The following COL15A1 variants were observed in gnomAD, a reference collection of about 807,000 sequenced individuals.
COL15A1 encodes the protein collagen alpha-1(XV) chain.
A neutral mutation model predicts 165.9 loss-of-function variants in COL15A1; 111 were observed. The ratio of observed to expected loss-of-function variants is 0.67; its 90% CI spans 0.57 to 0.78. COL15A1 has a LOEUF of 0.78. Among genes scored for constraint, COL15A1 ranks in the 30% least tolerant of loss-of-function variants. COL15A1 has a pLI of 0.00. For synonymous variants in COL15A1, 659 were observed against 674.8 expected, an observed-to-expected ratio of 0.98 and a Z score of 0.36; for missense variants, 1,745 against 1,789.7, an observed-to-expected ratio of 0.98 and a Z score of 0.45.
At chr9:98,982,826 G>A (rs1469537968) in intron 2 of COL15A1, among the ~76,000 whole-genome samples, 2 of 151,898 alleles carry the variant, frequency 1.3e-5, no homozygotes, top group African/African-American at 4.8e-5. Context: ...TGGAGATGAG[G>A]TCTCACTATG....
chr9:98,991,300 G>A (rs560929138), intron 5 of COL15A1, among the ~76,000 whole-genome samples: 11 of 152,258 alleles, frequency 7.2e-5, no homozygotes, highest in Middle Eastern at 3.4e-3. Context: ...TTTACAGAGA[G>A]CTAATTGGTC....
At chr9:98,976,360 TCTAA>T (rs1838142357) in intron 2 of COL15A1, among the ~76,000 whole-genome samples, 2 of 152,140 alleles carry the variant, frequency 1.3e-5, no homozygotes, top group African/African-American at 2.4e-5. Context: ...GTCTATCTGG[TCTAA>T]CTCTCTGATG....
chr9:99,068,556 G>A lies in COL15A1; in HGVS notation c.3839G>A (p.Gly1280Asp), dbSNP rs770238451. The A allele has an allele frequency of 4.0e-6, 6 of 1,488,430 alleles. No individual in the cohort carries two copies. Among genetic ancestry groups the A allele is most frequent in the Non-Finnish European group, 5.4e-6 (6 of 1,111,448 alleles). The allele number at this position is 1,488,430 out of a possible 1,614,324, so 92.2% of individuals were successfully genotyped here. A position where few individuals can be genotyped will look rare whatever the true frequency, so the allele number is the denominator to read the frequency against. Residue 1280 changes from glycine (G) to aspartate (D), a missense_variant and splice_region_variant, in exon 41 of 42, where the codon GGC (glycine) becomes GAC (aspartate). Gly to Asp is a moderately conservative substitution (Grantham distance 94). Coordinates refer to ENST00000375001, the MANE Select transcript of COL15A1 (RefSeq NM_001855.5). ...TAATGTGGTATTTTGTCTCTATAGGGCCAAGTACTTTTTAATAATTGGGAC... is the reference window on the plus strand; with the variant it reads ...TAATGTGGTATTTTGTCTCTATAGGACCAAGTACTTTTTAATAATTGGGAC... ...RYSLPIVNLK[G>D]QVLFNNWDSI...
rs141326649 is a variant in COL15A1 at position 99,043,809 on chromosome 9, C to T, written c.2575-759C>T. Reference sequence around the variant, plus strand: ...CTCAGAGTCAGATAGAAGGTTTCTGCACCCAGTCTTGTTCTCTTGACAATC... The same window carrying T: ...CTCAGAGTCAGATAGAAGGTTTCTGTACCCAGTCTTGTTCTCTTGACAATC... On this transcript the variant is annotated intron_variant, in intron 24 of 41. Transcript: ENST00000375001. Among the ~76,000 whole-genome samples, 11 of 152,322 alleles carry T rather than the reference C, an allele frequency of 7.2e-5. No individual in the cohort carries two copies. The East Asian group carries it at 1.9e-3, about 27-fold the overall frequency.
chr9:98,982,641 C>T (rs950177171), intron 2 of COL15A1, among the ~76,000 whole-genome samples: 43 of 151,648 alleles, frequency 2.8e-4, no homozygotes, highest in African/African-American at 8.7e-4. Context: ...ATGATGGCTG[C>T]CTTTTTTCTT....
intron 2 of COL15A1, among the ~76,000 whole-genome samples, chr9:98,984,499 C>G (rs756354244): frequency 2.0e-5 from 3 of 152,218 alleles, no homozygotes; most frequent in Non-Finnish European, 4.4e-5. Context: ...GTTAATTTCT[C>G]TAAGCCTCAG....
intron 9 of COL15A1, among the ~76,000 whole-genome samples, chr9:99,009,046 CT>C (rs1332685983): frequency 6.6e-6 from 1 of 152,242 alleles, no homozygotes; most frequent in Non-Finnish European, 1.5e-5. Flanking sequence ...CCACAGTTAA[CT>C]CCTGTTCTGC....
At chr9:98,987,214 GC>G in intron 3 of COL15A1, 79 bp from the exon 4 acceptor site, 1 of 1,398,136 alleles carries the variant, frequency 7.2e-7, no homozygotes, top group Admixed American at 1.8e-5. Context: ...CGTCTCCATT[GC>G]CAAAACAATC....
chr9:99,055,208 G>T, intron 33 of COL15A1, 54 bp from the exon 34 acceptor site: 2 of 1,585,530 alleles, frequency 1.3e-6, no homozygotes, highest in Non-Finnish European at 1.7e-6. Context: ...GTTTATGTCA[G>T]AGACTGAGTT....
At chr9:98,985,542 G>T in intron 2 of COL15A1, 23 bp from the exon 3 acceptor site, 1 of 1,595,848 alleles carries the variant, frequency 6.3e-7, no homozygotes, top group Non-Finnish European at 8.6e-7. Context: ...TGTAAAGCGT[G>T]GCCTCTCTCT....
rs79632618 is a variant in COL15A1, at chr9:99,019,836, G to T, written c.1648-553G>T. Among the ~76,000 whole-genome samples, 283 of 152,258 alleles carry T rather than the reference G, an allele frequency of 1.9e-3. 7 individuals carry two copies. In the East Asian group the frequency reaches 0.05, roughly 27 times the overall value. ...ATTAGCTGTCTAGAATTATTTTGCA[G>T]ATGAGGCCCAGAAAGGATTAGAGCT... is the stretch of plus-strand genomic sequence containing the variant. On this transcript the variant is annotated intron_variant, in intron 11 of 41. Coordinates refer to ENST00000375001, the MANE Select transcript of COL15A1 (RefSeq NM_001855.5).
chr9:99,057,169 G>C (rs1168183628), intron 35 of COL15A1, among the ~76,000 whole-genome samples: 1 of 152,156 alleles, frequency 6.6e-6, no homozygotes, highest in Non-Finnish European at 1.5e-5. Flanking sequence ...ATCAGCAGTG[G>C]CAGTGTATGA....
chr9:98,946,349 G>A (rs1233219379), intron 2 of COL15A1, among the ~76,000 whole-genome samples: 1 of 152,168 alleles, frequency 6.6e-6, no homozygotes, highest in South Asian at 2.1e-4. Context: ...AACCATCCTA[G>A]TGTGTAGTTA....
chr9:99,038,067 A>G (rs892653032), intron 21 of COL15A1, among the ~76,000 whole-genome samples: 4 of 152,168 alleles, frequency 2.6e-5, no homozygotes, highest in African/African-American at 9.7e-5. Context: ...GACCACAGAA[A>G]GACAAGCCCC....
chr9:99,025,615 G>A (rs564388585), intron 15 of COL15A1, among the ~76,000 whole-genome samples: 92 of 152,322 alleles, frequency 6.0e-4, no homozygotes, highest in African/African-American at 2.2e-3. Context: ...GGCCATCAGG[G>A]CTGGGCCTGG....
At position 98,996,897 on chromosome 9, in the gene COL15A1, A is replaced by G. The variant is rs557517776; in HGVS notation, c.805-37A>G. On this transcript the variant is annotated intron_variant, in intron 5 of 41. Transcript: ENST00000375001. The stretch of plus-strand genomic sequence containing the variant: ...TGTCATTTCTTCTGCTTTACTGCCA[A>G]GTAAATCATTTTGCATCTCATTTTT... 51 of 1,608,052 alleles carry G rather than the reference A, an allele frequency of 3.2e-5. 1 individual carries two copies. In the African/African-American group the frequency reaches 4.7e-4, roughly 15 times the overall value.
chr9:98,980,523 G>A (rs1003002952), intron 2 of COL15A1, among the ~76,000 whole-genome samples: 13 of 152,190 alleles, frequency 8.5e-5, no homozygotes, highest in Non-Finnish European at 1.5e-4. Flanking sequence ...CATGGGGCAC[G>A]CTGGGGCTGT....
rs768999780 is a variant in COL15A1, at chr9:99,000,919, G to T, written c.1033G>T (p.Ala345Ser). 3.1e-6 allele frequency: 5 copies of T among 1,587,350 alleles called. No homozygotes were observed. In the Admixed American group the frequency reaches 6.7e-5, roughly 21 times the overall value. The change falls in exon 7 of 42, where the codon GCT becomes TCT. Residue 345 changes from alanine (A) to serine (S), a missense_variant. Transcript: ENST00000375001. ...GDPITDSGSG[A>S]GAFLDIAEEK... is the part of the protein sequence containing the mutation. ...CCCCATTACTGACAGCGGCTCAGGG[G>T]CTGGGGCCTTCCTTGACATTGCTGA...
intron 39 of COL15A1, among the ~76,000 whole-genome samples, chr9:99,064,022 C>T (rs1163654452): frequency 1.3e-5 from 2 of 152,228 alleles, no homozygotes; most frequent in South Asian, 2.1e-4. Flanking sequence ...ACAGGAAGAA[C>T]AGCCAGGCCT....
Sources: gnomAD v4.1 joint callset for allele counts (sites outside exome capture counted in the v4.1 genomes callset) on GRCh38, gnomAD v4.1.1 for gene constraint, MANE v1.5 for transcripts, NCBI Gene and HGNC (gene_info 2026-07-23, HGNC 2026-07-21) for gene names.